The following RAB3C variants were observed in gnomAD, a reference collection of about 807,000 sequenced individuals.
RAB3C encodes RAB3C, member RAS oncogene family.
RAB3C carries 17 observed loss-of-function variants against 26.4 expected under a neutral mutation model. The observed-to-expected ratio is 0.64, with a 90% CI of 0.44 to 0.97. The LOEUF is 0.97. Among genes scored for constraint, RAB3C ranks in the 50% least tolerant of loss-of-function variants. The pLI is 0.00. For synonymous variants in RAB3C, 91 were observed against 95.9 expected (o/e 0.95, Z 0.30); for missense variants, 242 against 281.9 (o/e 0.86, Z 1.01).
At chr5:58,776,708 A>G (rs1220828304) in intron 3 of RAB3C, among the ~76,000 whole-genome samples, 1 of 152,096 alleles carries the variant, frequency 6.6e-6, no homozygotes, top group Non-Finnish European at 1.5e-5. Context: ...ATAAAACCTG[A>G]CTGCTTGCTC....
chr5:58,613,664 G>A (rs1034709622), intron 1 of RAB3C, among the ~76,000 whole-genome samples: 9 of 152,068 alleles, frequency 5.9e-5, no homozygotes, highest in African/African-American at 1.7e-4. Context: ...ATAGTGATGA[G>A]CATTTTAAGT....
chr5:58,721,070 T>C (rs1476011955), intron 2 of RAB3C, among the ~76,000 whole-genome samples: 1 of 151,726 alleles, frequency 6.6e-6, no homozygotes, highest in Non-Finnish European at 1.5e-5. Context: ...GTGCCAAAAT[T>C]CAAACCAAAA....
intron 3 of RAB3C, among the ~76,000 whole-genome samples, chr5:58,764,253 G>A (rs1451821754): frequency 2.0e-5 from 3 of 152,056 alleles, no homozygotes; most frequent in African/African-American, 7.2e-5. Context: ...ACTAACCTGA[G>A]CATGTTTCTT....
intron 4 of RAB3C, among the ~76,000 whole-genome samples, chr5:58,826,795 A>G (rs2112061500): frequency 6.6e-6 from 1 of 152,318 alleles, no homozygotes; most frequent in South Asian, 2.1e-4. Context: ...ACACTGTTAT[A>G]AAGGGGATGA....
intron 1 of RAB3C, among the ~76,000 whole-genome samples, chr5:58,586,263 G>A (rs1605740): frequency 0.22 from 33,361 of 151,752 alleles, 4,707 homozygotes; most frequent in Middle Eastern, 0.33. Flanking sequence ...ATGATCACTC[G>A]AACTTATTAA....
At chr5:58,700,135 A>C (rs1339522068) in intron 2 of RAB3C, among the ~76,000 whole-genome samples, 3 of 152,338 alleles carry the variant, frequency 2.0e-5, no homozygotes, top group South Asian at 2.1e-4. Context: ...TTAAATTGAA[A>C]GGTAGACCCC....
chr5:58,777,381 G>A (rs980073664), intron 3 of RAB3C, among the ~76,000 whole-genome samples: 15 of 152,154 alleles, frequency 9.9e-5, no homozygotes, highest in African/African-American at 2.6e-4. Flanking sequence ...GTTCTAGAAC[G>A]CCTAGTCCTG....
In RAB3C at chr5:58,845,612, A is replaced by ATATATATATATGTGTGTGTG; in HGVS notation, c.497-5551_497-5550insATATATATATGTGTGTGTGT. On this transcript the variant is annotated intron_variant, in intron 4 of 4. Transcript: ENST00000282878. ...ATTCTTACTATATATATATATATATATGTGTGTGTGTGTGTGTGTATATGT... is the reference window on the plus strand; with the variant it reads ...ATTCTTACTATATATATATATATATATATATATATATGTGTGTGTGTGTGTGTGTGTGTGTGTGTATATGT... Among the ~76,000 whole-genome samples, 58 of 81,712 alleles carry ATATATATATATGTGTGTGTG rather than the reference A, an allele frequency of 7.1e-4. 1 individual carries two copies. Among genetic ancestry groups the ATATATATATATGTGTGTGTG allele is most frequent in the African/African-American group, 8.1e-4 (14 of 17,204 alleles). 53.6% of individuals were successfully genotyped at this position (81,712 alleles called of 152,430 possible).
chr5:58,606,336 G>C (rs1746569175), intron 1 of RAB3C, among the ~76,000 whole-genome samples: 1 of 152,198 alleles, frequency 6.6e-6, no homozygotes, highest in African/African-American at 2.4e-5. Flanking sequence ...GTGGCAGCCT[G>C]ATGGGGGAGG....
Position 58,698,374 on chromosome 5 carries a change from A to T in RAB3C, c.253-27628A>T, listed in dbSNP as rs140128420. Among the ~76,000 whole-genome samples the T allele has an allele frequency of 5.9e-3, 904 of 152,038 alleles. 11 individuals are homozygous for T. The highest frequency in any genetic ancestry group is 0.02 in the African/African-American group (848 of 41,454). ...CACTTAACACTTTTTCCTTCATTTC[A>T]ACCTTGGTGAATCTGAAAATTTTGT... On this transcript the variant is annotated intron_variant, in intron 2 of 4. Transcript: ENST00000282878.
chr5:58,628,802 C>G (rs1747122467), intron 2 of RAB3C, among the ~76,000 whole-genome samples: 1 of 152,178 alleles, frequency 6.6e-6, no homozygotes, highest in Non-Finnish European at 1.5e-5. Flanking sequence ...GCTGAGCACG[C>G]TCCCTGCTGC....
intron 3 of RAB3C, among the ~76,000 whole-genome samples, chr5:58,806,891 A>G (rs370132513): frequency 2.6e-5 from 4 of 152,318 alleles, no homozygotes; most frequent in East Asian, 1.9e-4. Context: ...TTTCATCACA[A>G]TGGACCTCAC....
chr5:58,758,270 C>A (rs989223967), intron 3 of RAB3C, among the ~76,000 whole-genome samples: 1 of 151,962 alleles, frequency 6.6e-6, no homozygotes, highest in Non-Finnish European at 1.5e-5. Flanking sequence ...TGATATAGAC[C>A]TATAAATTTT....
rs1364712378 is a variant in RAB3C at position 58,858,922 on chromosome 5, A to G, written c.*7571A>G. On this transcript the variant is annotated 3_prime_UTR_variant, in exon 5 of 5. Transcript: ENST00000282878. ...ACATTTGCCAGTGCACCAAACCATG[A>G]GAGATTGTCCGACCTAATGCCACCT... is the stretch of plus-strand genomic sequence containing the variant. 1.3e-5 allele frequency: 2 copies of G among 152,162 alleles called. No individual in the cohort carries two copies. The highest frequency in any genetic ancestry group is 4.8e-5 in the African/African-American group (2 of 41,446). 9.4% of individuals were successfully genotyped at this position (152,162 alleles called of 1,614,324 possible). A position where few individuals can be genotyped will look rare whatever the true frequency, so the allele number is the denominator to read the frequency against.
rs368267920 is a variant in RAB3C at position 58,796,984 on chromosome 5, T to TAC, written c.372-28042_372-28041dup. 3.0e-4 allele frequency among the ~76,000 whole-genome samples: 45 copies of TAC among 148,756 alleles called. 1 individual carries two copies. Among genetic ancestry groups the TAC allele is most frequent in the African/African-American group, 9.2e-4 (37 of 40,416 alleles). On this transcript the variant is annotated intron_variant, in intron 3 of 4. Transcript: ENST00000282878. The stretch of plus-strand genomic sequence containing the variant: ...TTTCTACCTTTCATTTCTGACCCAC[T>TAC]ACACACACACACAGACACACACACA...
At chr5:58,621,627 G>C (rs1241293729) in intron 2 of RAB3C, among the ~76,000 whole-genome samples, 1 of 152,178 alleles carries the variant, frequency 6.6e-6, no homozygotes, top group Non-Finnish European at 1.5e-5. Context: ...CCAGCCTGGA[G>C]TGCAGTGGTG....
Position 58,853,858 on chromosome 5 carries a change from A to T in RAB3C, c.*2507A>T, listed in dbSNP as rs1744170741. ...TCCAGAGAAACAGTCACAGAGCTCA[A>T]GAGAAAGAACACTTAAATGCTCCTG... On this transcript the variant is annotated 3_prime_UTR_variant, in exon 5 of 5. Transcript: ENST00000282878. 6.6e-6 allele frequency: 1 copy of T among 152,202 alleles called. No homozygotes were observed. The highest frequency in any genetic ancestry group is 1.5e-5 in the Non-Finnish European group (1 of 68,042). The allele number at this position is 152,202 out of a possible 1,614,324, so 9.4% of individuals were successfully genotyped here. A position where few individuals can be genotyped will look rare whatever the true frequency, so the allele number is the denominator to read the frequency against.
At chr5:58,794,461 G>A (rs139554599) in intron 3 of RAB3C, 1 of 151,376 alleles carries the variant, frequency 6.6e-6, no homozygotes, top group East Asian at 1.9e-4. Context: ...GTTTCCCCCC[G>A]AAGCAGGCAT....
chr5:58,808,157 A>G (rs1319653005), intron 3 of RAB3C, among the ~76,000 whole-genome samples: 3 of 149,016 alleles, frequency 2.0e-5, no homozygotes, highest in East Asian at 4.0e-4. Flanking sequence ...CCTGGGAGGC[A>G]GAGCTTGCAG....
Sources: allele counts gnomAD v4.1 joint callset (sites outside exome capture counted in the v4.1 genomes callset), GRCh38; gene constraint gnomAD v4.1.1; transcripts MANE v1.5; gene names NCBI Gene and HGNC (gene_info 2026-07-23, HGNC 2026-07-21).